PTPRO: variants seen among roughly 807,000 people sequenced by gnomAD.
The protein encoded by PTPRO is protein tyrosine phosphatase receptor type O.
Under a neutral mutation model 145.2 loss-of-function variants are expected in PTPRO, and 62 were observed. The ratio of observed to expected loss-of-function variants is 0.43; its 90% CI spans 0.35 to 0.53. PTPRO has a LOEUF of 0.53. Among genes scored for constraint, PTPRO ranks in the 20% least tolerant of loss-of-function variants. The pLI, the probability that PTPRO is intolerant of heterozygous loss-of-function variation, is 0.01. For missense variants in PTPRO, 1,345 were observed against 1,482.7 expected (o/e 0.91, Z 1.53); for synonymous variants, 565 against 514.7 (o/e 1.10, Z -1.32).
At chr12:15,569,929 T>C (rs1272495295) in intron 19 of PTPRO, among the ~76,000 whole-genome samples, 1 of 152,186 alleles carries the variant, frequency 6.6e-6, no homozygotes. Context: ...CCTGGGCACA[T>C]AACATCCTGG....
At chr12:15,538,632 A>G (rs1473543348) in intron 12 of PTPRO, among the ~76,000 whole-genome samples, 2 of 152,248 alleles carry the variant, frequency 1.3e-5, no homozygotes, top group African/African-American at 2.4e-5. Flanking sequence ...GGAGGGACAC[A>G]TAGGGCAATG....
intron 1 of PTPRO, among the ~76,000 whole-genome samples, chr12:15,369,434 T>A (rs7958349): frequency 0.17 from 25,229 of 151,944 alleles, 4,952 homozygotes; most frequent in African/African-American, 0.48. Context: ...CGAAACCTTC[T>A]CAGTCATATC....
intron 1 of PTPRO, among the ~76,000 whole-genome samples, chr12:15,436,748 C>A (rs1354636320): frequency 6.6e-6 from 1 of 152,324 alleles, no homozygotes; most frequent in East Asian, 1.9e-4. Context: ...TACAGAGGCA[C>A]TTTAGTCTTG....
intron 19 of PTPRO, among the ~76,000 whole-genome samples, chr12:15,578,594 C>A (rs927495463): frequency 6.6e-6 from 1 of 152,152 alleles, no homozygotes; most frequent in Non-Finnish European, 1.5e-5. Flanking sequence ...CTGGGCATGT[C>A]TTTTTCAGGG....
intron 1 of PTPRO, among the ~76,000 whole-genome samples, chr12:15,472,542 A>G (rs117282223): frequency 1.5e-3 from 221 of 152,286 alleles, no homozygotes; most frequent in Non-Finnish European, 2.4e-3. Context: ...TTTCTGAACC[A>G]GATTCCCCTG....
At chr12:15,491,434 C>T (rs1415073273) in intron 2 of PTPRO, among the ~76,000 whole-genome samples, 1 of 152,032 alleles carries the variant, frequency 6.6e-6, no homozygotes, top group Non-Finnish European at 1.5e-5. Flanking sequence ...TATTTCTTGT[C>T]TCTTCTCCGA....
chr12:15,580,265 T>A, intron 21 of PTPRO, 150 bp downstream of exon 21: 1 of 677,760 alleles, frequency 1.5e-6, no homozygotes, highest in South Asian at 1.7e-5. Context: ...CGTTTCATAA[T>A]AAAGAATAGA....
intron 1 of PTPRO, among the ~76,000 whole-genome samples, chr12:15,442,359 G>T (rs1212576418): frequency 6.6e-6 from 1 of 151,954 alleles, no homozygotes; most frequent in African/African-American, 2.4e-5. Flanking sequence ...AATAATAAAA[G>T]CAATCTATGA....
rs377367130 is a variant in PTPRO, at chr12:15,589,626, C to T, written c.3546+36C>T. On this transcript the variant is annotated intron_variant, in intron 25 of 26. Transcript: ENST00000281171. ...AATCTATATGTATTTTTAAATTTTC[C>T]CTGGACTGAAAAACTTACCATTATT... The T allele has an allele frequency of 1.4e-4, 223 of 1,612,048 alleles. 1 individual carries two copies. The South Asian group carries it at 2.3e-3, about 17-fold the overall frequency.
chr12:15,474,781 G>A (rs1941618779), intron 1 of PTPRO, among the ~76,000 whole-genome samples: 1 of 152,134 alleles, frequency 6.6e-6, no homozygotes, highest in African/African-American at 2.4e-5. Context: ...CTACTTCTCA[G>A]CAGGGATTAC....
chr12:15,400,051 CAAAA>C (rs36062333), intron 1 of PTPRO, among the ~76,000 whole-genome samples: 1 of 54,094 alleles, frequency 1.8e-5, no homozygotes, highest in African/African-American at 6.9e-5. Context: ...ACTCTTGTCT[CAAAA>C]AAAAAAAAAA....
At chr12:15,529,080 A>C (rs747845675) in intron 12 of PTPRO, among the ~76,000 whole-genome samples, 2 of 152,208 alleles carry the variant, frequency 1.3e-5, no homozygotes, top group African/African-American at 2.4e-5. Context: ...GACCTTTGGG[A>C]AAATTAAATG....
chr12:15,370,216 G>C (rs1938484992), intron 1 of PTPRO, among the ~76,000 whole-genome samples: 2 of 152,182 alleles, frequency 1.3e-5, no homozygotes, highest in African/African-American at 4.8e-5. Context: ...AATTTTTAAA[G>C]AAAAAATTAT....
chr12:15,514,783 A>C (rs934598769), intron 7 of PTPRO, among the ~76,000 whole-genome samples: 3 of 151,454 alleles, frequency 2.0e-5, no homozygotes, highest in African/African-American at 7.3e-5. Context: ...TGTTTTTTTG[A>C]GAGCTTGTCT....
At chr12:15,348,902 T>C (rs1937693208) in intron 1 of PTPRO, among the ~76,000 whole-genome samples, 2 of 152,222 alleles carry the variant, frequency 1.3e-5, no homozygotes, top group Admixed American at 1.3e-4. Flanking sequence ...TGTAGGATAA[T>C]ACATCTGTTT....
At chr12:15,414,161 T>A (rs1476207212) in intron 1 of PTPRO, among the ~76,000 whole-genome samples, 2 of 152,230 alleles carry the variant, frequency 1.3e-5, no homozygotes, top group Admixed American at 6.5e-5. Flanking sequence ...TAATTTAACA[T>A]GTCACGACAT....
intron 6 of PTPRO, among the ~76,000 whole-genome samples, chr12:15,505,929 C>G (rs1353251018): frequency 6.6e-6 from 1 of 152,134 alleles, no homozygotes; most frequent in African/African-American, 2.4e-5. Flanking sequence ...CACTAGACTG[C>G]CAATAGCCTT....
intron 1 of PTPRO, among the ~76,000 whole-genome samples, chr12:15,461,370 A>G (rs1425706772): frequency 6.6e-6 from 1 of 152,156 alleles, no homozygotes; most frequent in Non-Finnish European, 1.5e-5. Flanking sequence ...TAAAATGTAT[A>G]AACCAAGGTG....
intron 1 of PTPRO, among the ~76,000 whole-genome samples, chr12:15,428,965 A>G (rs372381136): frequency 6.6e-6 from 1 of 152,216 alleles, no homozygotes; most frequent in South Asian, 2.1e-4. Flanking sequence ...GGAACTGGTC[A>G]CATAACCATA....
Sources: gnomAD v4.1 joint callset for allele counts (sites outside exome capture counted in the v4.1 genomes callset) on GRCh38, gnomAD v4.1.1 for gene constraint, MANE v1.5 for transcripts, NCBI Gene and HGNC (gene_info 2026-07-23, HGNC 2026-07-21) for gene names.